The following KDM4C variants were observed in gnomAD, a reference collection of about 807,000 sequenced individuals.
The protein encoded by KDM4C is lysine-specific demethylase 4C.
KDM4C carries 81 observed loss-of-function variants against 129.3 expected under a neutral mutation model. That is an observed-to-expected ratio of 0.63 (90% CI 0.52 to 0.75). The LOEUF (loss-of-function observed/expected upper bound fraction) is 0.75, where lower values mean the gene tolerates loss of function less well. KDM4C is among the 30% of genes least tolerant of loss of function. The pLI is 0.00. For missense variants in KDM4C, 1,457 were observed against 1,304.0 expected, an observed-to-expected ratio of 1.12 and a Z score of -1.81; for synonymous variants, 573 against 456.1, an observed-to-expected ratio of 1.26 and a Z score of -3.26.
chr9:7,035,711 C>G (rs557387291), intron 15 of KDM4C, among the ~76,000 whole-genome samples: 210 of 152,130 alleles, frequency 1.4e-3, no homozygotes, highest in African/African-American at 4.8e-3. Context: ...TGTGGATATC[C>G]AATTTTTCCG....
At chr9:6,985,863 A>G (rs2131858165) in intron 10 of KDM4C, among the ~76,000 whole-genome samples, 1 of 152,162 alleles carries the variant, frequency 6.6e-6, no homozygotes, top group African/African-American at 2.4e-5. Flanking sequence ...ACTAATTTTT[A>G]TATTTTTAGT....
At chr9:7,105,262 C>A (rs1445706692) in intron 18 of KDM4C, 2 of 324,452 alleles carry the variant, frequency 6.2e-6, no homozygotes, top group Admixed American at 7.6e-5. Context: ...AAGGTCGTGA[C>A]CTCTGAAGTC....
intron 7 of KDM4C, among the ~76,000 whole-genome samples, chr9:6,891,536 G>GGGT (rs1400560358): frequency 6.6e-6 from 1 of 152,136 alleles, no homozygotes; most frequent in Non-Finnish European, 1.5e-5. Flanking sequence ...GACAGCTAAA[G>GGGT]GGTGAGGGGG....
intron 15 of KDM4C, among the ~76,000 whole-genome samples, chr9:7,029,430 C>G (rs1479572368): frequency 5.3e-5 from 8 of 151,616 alleles, no homozygotes; most frequent in Non-Finnish European, 1.2e-4. Flanking sequence ...ATGTTGATAA[C>G]CTAAATGTTT....
At chr9:6,800,945 C>T (rs1392312939) in intron 2 of KDM4C, among the ~76,000 whole-genome samples, 3 of 152,026 alleles carry the variant, frequency 2.0e-5, no homozygotes, top group Admixed American at 6.6e-5. Flanking sequence ...TCATTTTAAA[C>T]AAACATACGT....
chr9:6,809,490 G>A (rs1357008367), intron 3 of KDM4C, among the ~76,000 whole-genome samples: 2 of 152,094 alleles, frequency 1.3e-5, no homozygotes, highest in African/African-American at 4.8e-5. Flanking sequence ...TATTTCAAGG[G>A]ATACTTACTA....
chr9:6,730,476 G>A (rs191432356), intron 1 of KDM4C, among the ~76,000 whole-genome samples: 2 of 151,968 alleles, frequency 1.3e-5, no homozygotes, highest in Non-Finnish European at 1.5e-5. Context: ...TTAGCTGGGC[G>A]TGGTGGCGGG....
intron 8 of KDM4C, among the ~76,000 whole-genome samples, chr9:6,910,326 G>A (rs1219380852): frequency 1.3e-5 from 2 of 152,028 alleles, no homozygotes; most frequent in Non-Finnish European, 2.9e-5. Context: ...CAGGCATAAG[G>A]CTGAACTTAC....
chr9:6,865,542 A>C (rs1841793910), intron 5 of KDM4C, among the ~76,000 whole-genome samples: 1 of 151,914 alleles, frequency 6.6e-6, no homozygotes, highest in Non-Finnish European at 1.5e-5. Context: ...TTGTAGGCTT[A>C]GTTATTTATC....
At chr9:6,797,629 A>G (rs1486643062) in intron 2 of KDM4C, among the ~76,000 whole-genome samples, 1 of 152,200 alleles carries the variant, frequency 6.6e-6, no homozygotes, top group Non-Finnish European at 1.5e-5. Flanking sequence ...AAATCTGAAC[A>G]TAGATTGTCC....
At position 7,152,059 on chromosome 9, in the gene KDM4C, A is replaced by G. The variant is rs529963844; in HGVS notation, c.2782-13179A>G. ...TTGGCTTGGACCAGCTGAATCAGAA[A>G]TTTCTCTGGTGGTTAACATTAGATT... On this transcript the variant is annotated intron_variant, in intron 19 of 21. Transcript: ENST00000381309. 1.0e-3 allele frequency among the ~76,000 whole-genome samples: 156 copies of G among 152,372 alleles called. 1 individual carries two copies. Among genetic ancestry groups the G allele is most frequent in the African/African-American group, 3.5e-3 (147 of 41,584 alleles).
rs200604748 is a variant in KDM4C, at chr9:7,127,965, CAAAT to C, written c.2611-96_2611-93del. 1,717 of 1,080,110 alleles carry C rather than the reference CAAAT, an allele frequency of 1.6e-3. 28 individuals carry two copies. The African/African-American group carries it at 0.026, about 16-fold the overall frequency. The allele number at this position is 1,080,110 out of a possible 1,614,324, so 66.9% of individuals were successfully genotyped here. ...AAAAATTTTTTTTTTAAATCTTGGC[CAAAT>C]AAATGATTGTTTTTCAAATGAATAT... On this transcript the variant is annotated intron_variant, in intron 18 of 21. Coordinates refer to ENST00000381309, the MANE Select transcript of KDM4C (RefSeq NM_015061.6).
At chr9:6,817,677 A>G (rs1832368895) in intron 4 of KDM4C, among the ~76,000 whole-genome samples, 1 of 152,012 alleles carries the variant, frequency 6.6e-6, no homozygotes, top group Non-Finnish European at 1.5e-5. Context: ...AAAGTAGTAT[A>G]TGTACATGTA....
chr9:6,977,802 G>A (rs1030092813), intron 8 of KDM4C, among the ~76,000 whole-genome samples: 1 of 152,028 alleles, frequency 6.6e-6, no homozygotes, highest in African/African-American at 2.4e-5. Context: ...CAGTCCTCTA[G>A]GGTTTTTTCA....
intron 2 of KDM4C, among the ~76,000 whole-genome samples, chr9:6,797,218 C>T (rs542455349): frequency 6.6e-6 from 1 of 152,180 alleles, no homozygotes; most frequent in East Asian, 1.9e-4. Flanking sequence ...AACTCCTGAG[C>T]TCAAGTGCTT....
intron 8 of KDM4C, among the ~76,000 whole-genome samples, chr9:6,949,949 T>C (rs1199277458): frequency 6.6e-6 from 1 of 152,188 alleles, no homozygotes; most frequent in Non-Finnish European, 1.5e-5. Flanking sequence ...CATTAATTGA[T>C]TTAAGGCTCA....
chr9:7,086,124 C>T (rs1370038270), intron 17 of KDM4C, among the ~76,000 whole-genome samples: 1 of 152,216 alleles, frequency 6.6e-6, no homozygotes, highest in African/African-American at 2.4e-5. Flanking sequence ...TGCCACTGCA[C>T]TCCAGCCTGA....
chr9:7,113,916 G>T (rs1037150480), intron 18 of KDM4C, among the ~76,000 whole-genome samples: 1 of 152,082 alleles, frequency 6.6e-6, no homozygotes, highest in Non-Finnish European at 1.5e-5. Context: ...CTGCATTCAG[G>T]TTCCTGCTCT....
intron 8 of KDM4C, among the ~76,000 whole-genome samples, chr9:6,937,241 G>A (rs766755848): frequency 6.6e-6 from 1 of 152,116 alleles, no homozygotes; most frequent in Non-Finnish European, 1.5e-5. Flanking sequence ...CTCCTTGTTC[G>A]TTTTTCTTGC....
Sources: gnomAD v4.1 joint callset for allele counts (sites outside exome capture counted in the v4.1 genomes callset) on GRCh38, gnomAD v4.1.1 for gene constraint, MANE v1.5 for transcripts, NCBI Gene and HGNC (gene_info 2026-07-23, HGNC 2026-07-21) for gene names.